The following RUBCNL variants were observed in gnomAD, a reference collection of about 807,000 sequenced individuals.
RUBCNL encodes the protein protein associated with UVRAG as autophagy enhancer.
A neutral mutation model predicts 69.5 loss-of-function variants in RUBCNL; 62 were observed. That is an observed-to-expected ratio of 0.89 (90% CI 0.73 to 1.10). The LOEUF is 1.10. RUBCNL is among the 50% of genes least tolerant of loss of function. RUBCNL has a pLI of 0.00. For synonymous variants in RUBCNL, 291 were observed against 303.6 expected (o/e 0.96, Z 0.43); for missense variants, 768 against 798.1 (o/e 0.96, Z 0.45).
At chr13:46,368,380 G>A in intron 4 of RUBCNL, 131 bp from the exon 5 acceptor site, 1 of 1,420,510 alleles carries the variant, frequency 7.0e-7, no homozygotes, top group South Asian at 1.5e-5. Flanking sequence ...TCATTTAACT[G>A]AGTTATCATA....
At position 46,370,564 on chromosome 13, in the gene RUBCNL, C is replaced by T. The variant is rs759975526; in HGVS notation, c.535+1377G>A. On this transcript the variant is annotated intron_variant, in intron 3 of 14. Transcript: ENST00000429979. Reference sequence around the variant, plus strand: ...TTTAAGAGATATTCTCAAAACATTCCGTGAGTTGTTTCTAAAGGCACTGAC... The same window carrying T: ...TTTAAGAGATATTCTCAAAACATTCTGTGAGTTGTTTCTAAAGGCACTGAC... Among the ~76,000 whole-genome samples, 176 of 152,242 alleles carry T rather than the reference C, an allele frequency of 1.2e-3. 1 individual carries two copies. The highest frequency in any genetic ancestry group is 2.1e-3 in the Non-Finnish European group (140 of 68,012).
chr13:46,383,177 T>C (rs1187205263), intron 1 of RUBCNL, among the ~76,000 whole-genome samples: 1 of 152,190 alleles, frequency 6.6e-6, no homozygotes, highest in Non-Finnish European at 1.5e-5. Context: ...ATTAAAAAAT[T>C]CCCGTTTAAG....
At chr13:46,365,491 C>T (rs2048733928) in intron 5 of RUBCNL, among the ~76,000 whole-genome samples, 1 of 152,288 alleles carries the variant, frequency 6.6e-6, no homozygotes, top group East Asian at 1.9e-4. Context: ...GGAGCACAAC[C>T]TGTGTTTCAT....
chr13:46,345,582 C>T lies in RUBCNL; in HGVS notation c.1650G>A (p.Glu550=), dbSNP rs1289387248. The stretch of plus-strand genomic sequence containing the variant: ...CATCAGTCAAGTGTCCCGGCACCTG[C>T]TCGAACTCCTTTAATGCACTGCCAG... ...RFANSALKEF[E]QVPGHLTDEL... Residue 550 remains glutamate, a synonymous_variant, in exon 13 of 15, where the codon GAG becomes GAA. Transcript: ENST00000429979. 6.2e-7 allele frequency: 1 copy of T among 1,613,672 alleles called. No individual in the cohort carries two copies. Among genetic ancestry groups the T allele is most frequent in the South Asian group, 1.1e-5 (1 of 90,926 alleles).
intron 9 of RUBCNL, among the ~76,000 whole-genome samples, chr13:46,357,631 CTTTT>C (rs61684147): frequency 3.6e-5 from 5 of 137,432 alleles, no homozygotes; most frequent in Admixed American, 7.3e-5. Flanking sequence ...AATTTTCTTT[CTTTT>C]TTTTTTTTTT....
At chr13:46,375,280 C>T (rs927405876) in intron 2 of RUBCNL, among the ~76,000 whole-genome samples, 5 of 152,174 alleles carry the variant, frequency 3.3e-5, no homozygotes, top group African/African-American at 1.2e-4. Flanking sequence ...TGCCTATAAT[C>T]CCAGCACTTT....
At chr13:46,371,793 G>A (rs1226154528) in intron 3 of RUBCNL, 148 bp downstream of exon 3, 5 of 763,038 alleles carry the variant, frequency 6.6e-6, no homozygotes, top group Non-Finnish European at 4.2e-6. Context: ...GATTTCACCT[G>A]TTGTGACCGC....
In RUBCNL at chr13:46,349,181, C is replaced by T; in HGVS notation, c.1631+105G>A. The T allele has an allele frequency of 3.2e-6, 3 of 925,232 alleles. No homozygotes were observed. The South Asian group carries it at 4.3e-5, about 13-fold the overall frequency. The allele number at this position is 925,232 out of a possible 1,614,324, so 57.3% of individuals were successfully genotyped here. On this transcript the variant is annotated intron_variant, in intron 12 of 14. Transcript: ENST00000429979. Reference sequence around the variant, plus strand: ...CCCAAGGAAAGCCATGAGGTCATCACTGTGCTAAGAAGCCCTGTGTAATGG... The same window carrying T: ...CCCAAGGAAAGCCATGAGGTCATCATTGTGCTAAGAAGCCCTGTGTAATGG...
At chr13:46,386,828 A>T (rs1175682577) in intron 1 of RUBCNL, among the ~76,000 whole-genome samples, 1 of 152,128 alleles carries the variant, frequency 6.6e-6, no homozygotes, top group Non-Finnish European at 1.5e-5. Flanking sequence ...CGCCCTGCGT[A>T]AAAGTGTCCT....
chr13:46,362,510 A>G (rs766784704), intron 7 of RUBCNL, 28 bp downstream of exon 7: 2 of 1,547,026 alleles, frequency 1.3e-6, no homozygotes, highest in Non-Finnish European at 1.8e-6. Flanking sequence ...CCAAGGGTCT[A>G]TGTGCACTGT....
chr13:46,362,687 C>T (rs1249375844), intron 6 of RUBCNL, 89 bp from the exon 7 acceptor site: 2 of 874,522 alleles, frequency 2.3e-6, no homozygotes, highest in East Asian at 5.4e-5. Flanking sequence ...AAAATCACTC[C>T]CTGCATCTCA....
Position 46,368,148 on chromosome 13 carries a change from T to C in RUBCNL, c.720A>G (p.Glu240=). 6.2e-7 allele frequency: 1 copy of C among 1,614,008 alleles called. No homozygotes were observed. Among genetic ancestry groups the C allele is most frequent in the Non-Finnish European group, 8.5e-7 (1 of 1,179,870 alleles). Reference sequence around the variant, plus strand: ...GATCACTCCCAAGTAACCCACTGACTTCTTTACTCCAGCTCTCTGTCTGCT... The same window carrying C: ...GATCACTCCCAAGTAACCCACTGACCTCTTTACTCCAGCTCTCTGTCTGCT... ...SQQQTESWSK[E]VSGLLGSDQP... Residue 240 remains glutamate (E), a synonymous_variant, in exon 5 of 15, where the codon GAA becomes GAG. Transcript: ENST00000429979.
At position 46,356,608 on chromosome 13, in the gene RUBCNL, T is replaced by G. The variant is rs1033207330; in HGVS notation, c.1266-112A>C. 5 of 781,816 alleles carry G rather than the reference T, an allele frequency of 6.4e-6. No individual in the cohort carries two copies. In the African/African-American group the frequency reaches 8.8e-5, roughly 14 times the overall value. The allele number at this position is 781,816 out of a possible 1,614,324, so 48.4% of individuals were successfully genotyped here. ...TACTTTTCTAACTAAGGGCCTTAAC[T>G]TTGTCACTTTTCATTTGGGAAAGAA... On this transcript the variant is annotated intron_variant, in intron 9 of 14. Transcript: ENST00000429979.
intron 1 of RUBCNL, among the ~76,000 whole-genome samples, chr13:46,383,635 C>A (rs1014035679): frequency 4.6e-5 from 7 of 152,304 alleles, no homozygotes; most frequent in Middle Eastern, 3.4e-3. Context: ...TTGGTTTCTA[C>A]ACAGCAACAT....
rs2048160947 is a variant in RUBCNL at position 46,342,588 on chromosome 13, A to G, written c.*797T>C. ...AATCACACTGTTCATTATTTCCCCC[A>G]GTTCGTTTAAATCTGCAAATACCTT... On this transcript the variant is annotated 3_prime_UTR_variant, in exon 15 of 15. Coordinates refer to ENST00000429979, the MANE Select transcript of RUBCNL (RefSeq NM_025113.5). The G allele has an allele frequency of 6.6e-6, 1 of 152,176 alleles. No homozygotes were observed. Among genetic ancestry groups the G allele is most frequent in the Admixed American group, 6.5e-5 (1 of 15,278 alleles). 9.4% of individuals were successfully genotyped at this position (152,176 alleles called of 1,614,324 possible).
intron 11 of RUBCNL, among the ~76,000 whole-genome samples, chr13:46,349,802 G>A (rs928521435): frequency 2.6e-5 from 4 of 151,460 alleles, no homozygotes; most frequent in South Asian, 2.1e-4. Flanking sequence ...TCAGCCTCTC[G>A]AGTAGCTGGG....
Position 46,361,331 on chromosome 13 carries a change from C to T in RUBCNL, c.1119+110G>A, listed in dbSNP as rs1181721049. On this transcript the variant is annotated intron_variant, in intron 8 of 14. Transcript: ENST00000429979. ...GTTTCCTCATTCATTTTGAGTCTCC[C>T]CTAATATCCAGTGACCATACAAGGA... is the stretch of plus-strand genomic sequence containing the variant. 2.6e-6 allele frequency: 3 copies of T among 1,164,894 alleles called. No individual in the cohort carries two copies. In the East Asian group the frequency reaches 7.5e-5, roughly 29 times the overall value. 72.2% of individuals were successfully genotyped at this position (1,164,894 alleles called of 1,614,324 possible). A position where few individuals can be genotyped will look rare whatever the true frequency, so the allele number is the denominator to read the frequency against.
intron 1 of RUBCNL, among the ~76,000 whole-genome samples, chr13:46,379,594 A>G (rs2049074815): frequency 6.6e-6 from 1 of 152,242 alleles, no homozygotes; most frequent in Admixed American, 6.5e-5. Context: ...GAAATTAGAA[A>G]TCATGACCTA....
intron 5 of RUBCNL, among the ~76,000 whole-genome samples, chr13:46,367,405 C>T (rs1454630382): frequency 1.3e-5 from 2 of 152,122 alleles, no homozygotes; most frequent in Non-Finnish European, 2.9e-5. Context: ...TAGGAGAATG[C>T]CATGTGACAG....
Sources: gnomAD v4.1 joint callset for allele counts (sites outside exome capture counted in the v4.1 genomes callset) on GRCh38, gnomAD v4.1.1 for gene constraint, MANE v1.5 for transcripts, NCBI Gene and HGNC (gene_info 2026-07-23, HGNC 2026-07-21) for gene names.